The following ZNF407 variants were observed in gnomAD, a reference collection of about 807,000 sequenced individuals.
The protein encoded by ZNF407 is zinc finger protein 407.
ZNF407 carries 17 observed loss-of-function variants against 131.2 expected under a neutral mutation model. That is an observed-to-expected ratio of 0.13 (90% CI 0.09 to 0.19). ZNF407 has a LOEUF of 0.19. Ranked by LOEUF, ZNF407 falls within the 10% of genes least tolerant of loss-of-function variation. The pLI is 1.00. For synonymous variants in ZNF407, 1,156 were observed against 1,062.0 expected (o/e 1.09, Z -1.72); for missense variants, 2,681 against 2,830.6 (o/e 0.95, Z 1.20).
chr18:74,835,380 T>C (rs1281138609), intron 4 of ZNF407, among the ~76,000 whole-genome samples: 1 of 152,130 alleles, frequency 6.6e-6, no homozygotes, highest in Non-Finnish European at 1.5e-5. Context: ...CAGTGGTCAG[T>C]GTTGCACAAG....
At chr18:75,015,378 A>C (rs567219396) in intron 8 of ZNF407, among the ~76,000 whole-genome samples, 31 of 151,518 alleles carry the variant, frequency 2.0e-4, no homozygotes, top group Admixed American at 5.3e-4. Flanking sequence ...ATAACAAGCT[A>C]TAAAAAATGA....
At chr18:74,981,253 G>A (rs1972589493) in intron 8 of ZNF407, among the ~76,000 whole-genome samples, 2 of 152,224 alleles carry the variant, frequency 1.3e-5, no homozygotes, top group Admixed American at 1.3e-4. Flanking sequence ...GGGTGAGGCG[G>A]GGCACGGGCA....
chr18:74,601,346 T>C (rs1411748918), intron 1 of ZNF407, among the ~76,000 whole-genome samples: 1 of 151,508 alleles, frequency 6.6e-6, no homozygotes, highest in Non-Finnish European at 1.5e-5. Flanking sequence ...TGTGTGTGTG[T>C]GTGTGTGTGT....
At chr18:74,737,070 T>C (rs1382331065) in intron 3 of ZNF407, among the ~76,000 whole-genome samples, 1 of 152,224 alleles carries the variant, frequency 6.6e-6, no homozygotes, top group Non-Finnish European at 1.5e-5. Flanking sequence ...AGTAGACAGT[T>C]TTTTCTTTTA....
chr18:75,064,080 G>A lies in ZNF407; in HGVS notation c.6359G>A (p.Gly2120Asp), dbSNP rs1305351771. ...GCCGTCCACATGGTCGCCGGGGAGG[G>A]TGCCCAGATCATCATGCAGGAGGCG... ...EGAVHMVAGEGAQIIMQEAQG... is the reference protein window; with the variant it reads ...EGAVHMVAGEDAQIIMQEAQG... The change falls in exon 9 of 9, where the codon GGT becomes GAT. Residue 2120 changes from glycine (G) to aspartate (D), a missense_variant. By Grantham distance (94) the Gly-to-Asp change is moderately conservative. Coordinates refer to ENST00000299687, the MANE Select transcript of ZNF407 (RefSeq NM_017757.3). The A allele has an allele frequency of 3.1e-6, 5 of 1,589,458 alleles. No homozygotes were observed. Among genetic ancestry groups the A allele is most frequent in the Middle Eastern group, 1.7e-4 (1 of 6,042 alleles).
intron 3 of ZNF407, among the ~76,000 whole-genome samples, chr18:74,671,429 G>A (rs1183139093): frequency 6.6e-6 from 1 of 151,918 alleles, no homozygotes; most frequent in Non-Finnish European, 1.5e-5. Context: ...TCATGTCACG[G>A]GGGTTTGTTG....
At chr18:74,695,067 A>G (rs1476259938) in intron 3 of ZNF407, among the ~76,000 whole-genome samples, 2 of 152,134 alleles carry the variant, frequency 1.3e-5, no homozygotes, top group African/African-American at 4.8e-5. Context: ...TTTCCTTTTG[A>G]AATTCTTTTT....
chr18:75,056,308 G>A (rs968248809), intron 8 of ZNF407, among the ~76,000 whole-genome samples: 7 of 152,176 alleles, frequency 4.6e-5, no homozygotes, highest in Non-Finnish European at 7.4e-5. Context: ...TAGTAACGCT[G>A]ACCAGAATGT....
intron 3 of ZNF407, among the ~76,000 whole-genome samples, chr18:74,663,457 T>G (rs749650657): frequency 6.6e-6 from 1 of 152,108 alleles, no homozygotes; most frequent in Admixed American, 6.5e-5. Context: ...TTAGAAAAAT[T>G]TGGGGCCGAA....
At position 75,064,723 on chromosome 18, in the gene ZNF407, C is replaced by T. The variant is rs781273822; in HGVS notation, c.*255C>T. The T allele has an allele frequency of 2.5e-5, 10 of 400,234 alleles. No individual in the cohort carries two copies. Among genetic ancestry groups the T allele is most frequent in the Non-Finnish European group, 4.5e-5 (10 of 224,308 alleles). The allele number at this position is 400,234 out of a possible 1,614,324, so 24.8% of individuals were successfully genotyped here. A position where few individuals can be genotyped will look rare whatever the true frequency, so the allele number is the denominator to read the frequency against. On this transcript the variant is annotated 3_prime_UTR_variant, in exon 9 of 9. Coordinates refer to ENST00000299687, the MANE Select transcript of ZNF407 (RefSeq NM_017757.3). ...CGGGCGCAGGCCGCACAGGGAGCTCCGGTCCACTGGGGGCCCTTCGATCAG... is the reference window on the plus strand; with the variant it reads ...CGGGCGCAGGCCGCACAGGGAGCTCTGGTCCACTGGGGGCCCTTCGATCAG...
chr18:75,004,562 G>T (rs888060291), intron 8 of ZNF407, among the ~76,000 whole-genome samples: 1 of 152,142 alleles, frequency 6.6e-6, no homozygotes, highest in Non-Finnish European at 1.5e-5. Context: ...CCTATCAAGC[G>T]AGTCTCTTGC....
chr18:75,000,944 T>G (rs1187786844), intron 8 of ZNF407, among the ~76,000 whole-genome samples: 1 of 152,140 alleles, frequency 6.6e-6, no homozygotes, highest in Non-Finnish European at 1.5e-5. Flanking sequence ...TAGGGTGCAG[T>G]GAAATATCCT....
chr18:74,840,248 A>T (rs1325786446), intron 4 of ZNF407, among the ~76,000 whole-genome samples: 1 of 152,016 alleles, frequency 6.6e-6, no homozygotes, highest in Non-Finnish European at 1.5e-5. Context: ...ATGCTGGAAG[A>T]TGCAGGACTT....
At chr18:74,878,006 G>A (rs1309572073) in intron 5 of ZNF407, among the ~76,000 whole-genome samples, 3 of 152,186 alleles carry the variant, frequency 2.0e-5, no homozygotes, top group Non-Finnish European at 2.9e-5. Context: ...AGAGGGTGTG[G>A]AATTTCCGCT....
At chr18:74,702,487 T>C (rs6566095) in intron 3 of ZNF407, among the ~76,000 whole-genome samples, 12,495 of 152,198 alleles carry the variant, frequency 0.082, 679 homozygotes, top group African/African-American at 0.15. Context: ...AATATAGATA[T>C]TTTACTGATT....
intron 4 of ZNF407, among the ~76,000 whole-genome samples, chr18:74,808,245 C>A (rs1181500303): frequency 2.0e-5 from 3 of 152,148 alleles, no homozygotes; most frequent in Admixed American, 2.0e-4. Context: ...AACTCCTGAC[C>A]TCAGGTGATC....
Position 74,691,289 on chromosome 18 carries a change from AT to A in ZNF407, c.4802+50168del, listed in dbSNP as rs961167553. On this transcript the variant is annotated intron_variant, in intron 3 of 8. Coordinates refer to ENST00000299687, the MANE Select transcript of ZNF407 (RefSeq NM_017757.3). The stretch of plus-strand genomic sequence containing the variant: ...AGCAAAACTCTGTCTCAAAAAAAAA[AT>A]AATAATAAATAATAAAGAAAAAAAT... Among the ~76,000 whole-genome samples, 12 of 151,936 alleles carry A rather than the reference AT, an allele frequency of 7.9e-5. No homozygotes were observed. In the South Asian group the frequency reaches 2.1e-3, roughly 26 times the overall value.
intron 6 of ZNF407, among the ~76,000 whole-genome samples, chr18:74,885,229 A>G (rs1971291807): frequency 1.3e-5 from 2 of 152,182 alleles, no homozygotes; most frequent in African/African-American, 4.8e-5. Flanking sequence ...TAGCATCCAG[A>G]AATAGACCTG....
intron 8 of ZNF407, among the ~76,000 whole-genome samples, chr18:74,994,753 AG>A (rs1162314940): frequency 6.6e-6 from 1 of 152,212 alleles, no homozygotes; most frequent in Non-Finnish European, 1.5e-5. Context: ...ACCCAGCGAC[AG>A]GAAGAATAGA....
Sources: gnomAD v4.1 joint callset for allele counts (sites outside exome capture counted in the v4.1 genomes callset) on GRCh38, gnomAD v4.1.1 for gene constraint, MANE v1.5 for transcripts, NCBI Gene and HGNC (gene_info 2026-07-23, HGNC 2026-07-21) for gene names.